The following RIMS2 variants were observed in gnomAD, a reference collection of about 807,000 sequenced individuals.
RIMS2 encodes the protein regulating synaptic membrane exocytosis 2.
In RIMS2, 59 loss-of-function variants were observed where a neutral mutation model predicts 174.4. That is an observed-to-expected ratio of 0.34 (90% confidence interval 0.27 to 0.42). The LOEUF (loss-of-function observed/expected upper bound fraction) is 0.42, where lower values mean the gene tolerates loss of function less well. Among genes scored for constraint, RIMS2 ranks in the 10% least tolerant of loss-of-function variants. The probability of loss-of-function intolerance (pLI) is 1.00; values close to 1 mark genes in which losing one functional copy is unlikely to be tolerated. For synonymous variants in RIMS2, 606 were observed against 572.5 expected (o/e 1.06, Z -0.84); for missense variants, 1,620 against 1,666.3 (o/e 0.97, Z 0.48).
chr8:104,063,276 A>C (rs546038932), intron 19 of RIMS2, among the ~76,000 whole-genome samples: 1 of 152,192 alleles, frequency 6.6e-6, no homozygotes, highest in Admixed American at 6.5e-5. Context: ...ATCATCCCAC[A>C]AGTTCTTGAT....
intron 1 of RIMS2, among the ~76,000 whole-genome samples, chr8:103,580,526 G>T (rs2093547097): frequency 6.6e-6 from 1 of 152,018 alleles, no homozygotes; most frequent in South Asian, 2.1e-4. Context: ...GAATTTCTGT[G>T]TACATAACAC....
chr8:103,579,714 G>A (rs759376371), intron 1 of RIMS2, among the ~76,000 whole-genome samples: 6 of 152,138 alleles, frequency 3.9e-5, no homozygotes, highest in African/African-American at 9.7e-5. Flanking sequence ...TACCAGAAGC[G>A]TTGCTTAACC....
chr8:103,696,885 A>AAAAAAAAAAAAAAAAAC (rs1554753422), intron 1 of RIMS2, among the ~76,000 whole-genome samples: 1 of 136,836 alleles, frequency 7.3e-6, no homozygotes, highest in Non-Finnish European at 1.6e-5. Flanking sequence ...AAAAAAAAAA[A>AAAAAAAAAAAAAAAAAC]GAAGGTAGAA....
At chr8:103,501,135 T>C in intron 1 of RIMS2, 73 bp downstream of exon 1, 2 of 1,215,804 alleles carry the variant, frequency 1.6e-6, no homozygotes, top group Non-Finnish European at 2.2e-6. Flanking sequence ...TGCGGCCGCC[T>C]GCGCGCCCCA....
At chr8:104,187,141 G>A (rs144722547) in intron 19 of RIMS2, among the ~76,000 whole-genome samples, 1,657 of 151,812 alleles carry the variant, frequency 0.011, 31 homozygotes, top group African/African-American at 0.038. Context: ...TGGAGATGAG[G>A]TAATCTATGC....
intron 4 of RIMS2, among the ~76,000 whole-genome samples, chr8:103,903,675 A>G (rs757200245): frequency 1.2e-4 from 19 of 152,144 alleles, no homozygotes; most frequent in Non-Finnish European, 1.9e-4. Context: ...AGAATAACTG[A>G]ATACCAGAGT....
At chr8:104,223,871 G>A in intron 19 of RIMS2, 1 of 1,211,256 alleles carries the variant, frequency 8.3e-7, no homozygotes, top group Non-Finnish European at 1.2e-6. Context: ...CCGGGGCAGA[G>A]AGAACTCCAC....
At chr8:104,045,940 T>C (rs1000797817) in intron 19 of RIMS2, among the ~76,000 whole-genome samples, 1 of 151,924 alleles carries the variant, frequency 6.6e-6, no homozygotes, top group African/African-American at 2.4e-5. Flanking sequence ...TTTAGTAAAA[T>C]CACTTCCTGT....
At chr8:103,766,247 G>A in exon 3 of RIMS2, 1 of 1,612,356 alleles carries the variant, frequency 6.2e-7, no homozygotes. Flanking sequence ...TATGTAATTT[G>A]TGCCGAAAAC....
chr8:103,582,608 A>G (rs1372218514), intron 1 of RIMS2, among the ~76,000 whole-genome samples: 13 of 152,164 alleles, frequency 8.5e-5, no homozygotes, highest in Non-Finnish European at 2.9e-5. Flanking sequence ...AAGCTGACTT[A>G]AGAAACCTTG....
intron 3 of RIMS2, among the ~76,000 whole-genome samples, chr8:103,796,716 A>C (rs1408137606): frequency 2.0e-5 from 3 of 152,224 alleles, no homozygotes; most frequent in Non-Finnish European, 4.4e-5. Flanking sequence ...TCAGATTTCT[A>C]GATGCTTAGA....
chr8:103,604,089 A>G (rs1339669396), intron 1 of RIMS2, among the ~76,000 whole-genome samples: 2 of 149,134 alleles, frequency 1.3e-5, no homozygotes, highest in East Asian at 1.9e-4. Flanking sequence ...TATGTCCTGA[A>G]TGGTAATGCC....
intron 19 of RIMS2, among the ~76,000 whole-genome samples, chr8:104,047,712 A>G (rs1442389050): frequency 6.6e-6 from 1 of 152,154 alleles, no homozygotes; most frequent in Admixed American, 6.6e-5. Flanking sequence ...CATTATTTCT[A>G]TGATCTAGAA....
intron 2 of RIMS2, 108 bp downstream of exon 4, chr8:103,697,404 C>A: frequency 1.1e-6 from 1 of 921,468 alleles, no homozygotes; most frequent in Non-Finnish European, 1.8e-6. Flanking sequence ...TTGAAATTAG[C>A]AAAAACATTT....
intron 19 of RIMS2, among the ~76,000 whole-genome samples, chr8:104,055,992 A>G (rs1238838320): frequency 6.6e-6 from 1 of 152,192 alleles, no homozygotes; most frequent in Non-Finnish European, 1.5e-5. Context: ...GTAAAGGGAA[A>G]TGTAATGAAT....
At chr8:103,512,171 A>G (rs1199516397) in intron 1 of RIMS2, among the ~76,000 whole-genome samples, 2 of 152,198 alleles carry the variant, frequency 1.3e-5, no homozygotes, top group South Asian at 2.1e-4. Flanking sequence ...GCACTGTAGC[A>G]AGAACAACGA....
intron 20 of RIMS2, among the ~76,000 whole-genome samples, chr8:104,246,918 G>T (rs2099335619): frequency 6.6e-6 from 1 of 152,064 alleles, no homozygotes. Flanking sequence ...TACTGAGTGG[G>T]ATGAGAAGAT....
At chr8:103,647,913 T>G (rs1386335058) in intron 1 of RIMS2, among the ~76,000 whole-genome samples, 1 of 150,768 alleles carries the variant, frequency 6.6e-6, no homozygotes, top group African/African-American at 2.4e-5. Flanking sequence ...TTTTTTTTAA[T>G]TTTTGTATCA....
intron 19 of RIMS2, among the ~76,000 whole-genome samples, chr8:104,125,754 A>T (rs1044604112): frequency 2.6e-5 from 4 of 152,208 alleles, no homozygotes; most frequent in African/African-American, 9.6e-5. Context: ...TCTTAAATGT[A>T]TGGTATTCTT....
Sources: allele counts gnomAD v4.1 joint callset (sites outside exome capture counted in the v4.1 genomes callset), GRCh38; gene constraint gnomAD v4.1.1; transcripts MANE v1.5; gene names NCBI Gene and HGNC (gene_info 2026-07-23, HGNC 2026-07-21).